The following AEBP2 variants were observed in gnomAD, a reference collection of about 807,000 sequenced individuals.
The protein encoded by AEBP2 is AE binding protein 2.
AEBP2 carries 10 observed loss-of-function variants against 50.8 expected under a neutral mutation model. The observed-to-expected ratio is 0.20, with a 90% CI of 0.12 to 0.33. The LOEUF (loss-of-function observed/expected upper bound fraction) is 0.33, where lower values mean the gene tolerates loss of function less well. AEBP2 is among the 10% of genes least tolerant of loss of function. AEBP2 has a pLI of 1.00. For synonymous variants in AEBP2, 296 were observed against 261.3 expected (o/e 1.13, Z -1.28); for missense variants, 570 against 688.0 (o/e 0.83, Z 1.92).
intron 5 of AEBP2, among the ~76,000 whole-genome samples, chr12:19,511,431 A>G (rs781226759): frequency 4.6e-5 from 7 of 152,208 alleles, no homozygotes; most frequent in Non-Finnish European, 1.0e-4. Context: ...AAACCATGAA[A>G]TAGCTGAGGC....
intron 1 of AEBP2, chr12:19,445,878 T>TA (rs558547613): frequency 1.3e-5 from 2 of 151,566 alleles, no homozygotes; most frequent in Non-Finnish European, 2.9e-5. Flanking sequence ...CAGCTAGTTA[T>TA]AAAAAAATAT....
chr12:19,497,299 T>C (rs1282172929), intron 4 of AEBP2, among the ~76,000 whole-genome samples: 1 of 149,262 alleles, frequency 6.7e-6, no homozygotes, highest in East Asian at 2.0e-4. Flanking sequence ...CATGGGAAAA[T>C]AGTTTCTATT....
chr12:19,477,008 T>G (rs912573485), intron 3 of AEBP2, among the ~76,000 whole-genome samples: 2 of 152,214 alleles, frequency 1.3e-5, no homozygotes, highest in Non-Finnish European at 2.9e-5. Context: ...TTTTGTAGTT[T>G]TCCTTGTAGA....
intron 3 of AEBP2, 21 bp downstream of exon 3, chr12:19,473,376 A>AATTTATTTATTTATTTATTTATTTATTT (rs71530938): frequency 1.1e-5 from 2 of 175,588 alleles, no homozygotes; most frequent in Non-Finnish European, 1.7e-5. Context: ...ATGTATATAA[A>AATTTATTTATTTATTTATTTATTTATTT]ATTTATTTAT....
chr12:19,478,916 C>T (rs1010782594), intron 3 of AEBP2, among the ~76,000 whole-genome samples: 6 of 152,010 alleles, frequency 3.9e-5, no homozygotes, highest in African/African-American at 1.5e-4. Context: ...CTATCCATGT[C>T]CTGATGAAAA....
chr12:19,439,578 T>G lies in AEBP2; in HGVS notation c.-122T>G, dbSNP rs1383251555. On this transcript the variant is annotated 5_prime_UTR_variant, in exon 1 of 8. Transcript: ENST00000266508. ...GCAGGCTGACGCAGCTCGCGGGCCC[T>G]CCTCCTGCTCTGCAGCGGCGTCGGC... 4.6e-6 allele frequency: 6 copies of G among 1,313,756 alleles called. No homozygotes were observed. The highest frequency in any genetic ancestry group is 6.0e-6 in the Non-Finnish European group (6 of 992,118). The allele number at this position is 1,313,756 out of a possible 1,614,324, so 81.4% of individuals were successfully genotyped here. A position where few individuals can be genotyped will look rare whatever the true frequency, so the allele number is the denominator to read the frequency against.
chr12:19,433,146 G>A (rs2095752302), intron 1 of AEBP2, among the ~76,000 whole-genome samples: 1 of 152,136 alleles, frequency 6.6e-6, no homozygotes, highest in South Asian at 2.1e-4. Context: ...GGCACTTTGG[G>A]CGGCCAAGGC....
At chr12:19,505,011 G>A (rs868818048) in intron 5 of AEBP2, among the ~76,000 whole-genome samples, 2 of 152,172 alleles carry the variant, frequency 1.3e-5, no homozygotes, top group Non-Finnish European at 2.9e-5. Context: ...TTGAGGAAAG[G>A]TGTCCTTATT....
At chr12:19,495,617 C>T (rs1321034145) in intron 4 of AEBP2, among the ~76,000 whole-genome samples, 1 of 150,924 alleles carries the variant, frequency 6.6e-6, no homozygotes, top group Non-Finnish European at 1.5e-5. Context: ...TCATGGCTTA[C>T]CGCAGTTTCA....
At chr12:19,516,028 T>C (rs1401998629) in intron 7 of AEBP2, among the ~76,000 whole-genome samples, 1 of 152,184 alleles carries the variant, frequency 6.6e-6, no homozygotes, top group Non-Finnish European at 1.5e-5. Flanking sequence ...GAGGCTGCAG[T>C]GAGCCAGGAT....
intron 3 of AEBP2, among the ~76,000 whole-genome samples, chr12:19,474,423 G>A (rs1030709832): frequency 1.3e-5 from 2 of 152,184 alleles, no homozygotes; most frequent in African/African-American, 4.8e-5. Context: ...AAAGCAATCA[G>A]CAAGTTAAAA....
At chr12:19,509,262 A>G (rs563016596) in intron 5 of AEBP2, 44 of 284,460 alleles carry the variant, frequency 1.5e-4, no homozygotes, top group Middle Eastern at 1.2e-3. Flanking sequence ...TGAAAAATGC[A>G]ACTTTTTTAA....
chr12:19,444,301 T>TA (rs34406316), intron 1 of AEBP2, among the ~76,000 whole-genome samples: 1 of 152,226 alleles, frequency 6.6e-6, no homozygotes, highest in African/African-American at 2.4e-5. Flanking sequence ...GTATTTATGC[T>TA]AAAAAAGTTA....
chr12:19,487,707 C>T (rs1948831455), intron 3 of AEBP2, among the ~76,000 whole-genome samples: 1 of 151,622 alleles, frequency 6.6e-6, no homozygotes, highest in Non-Finnish European at 1.5e-5. Flanking sequence ...GAGAGCGAGA[C>T]CCCACCTTAA....
chr12:19,509,608 C>T (rs1949202846), intron 5 of AEBP2, among the ~76,000 whole-genome samples: 2 of 151,852 alleles, frequency 1.3e-5, no homozygotes, highest in Non-Finnish European at 2.9e-5. Context: ...CATACCTAGG[C>T]GTAGTGGCTG....
chr12:19,410,761 G>T (rs1310922888), intron 1 of AEBP2, among the ~76,000 whole-genome samples: 2 of 152,158 alleles, frequency 1.3e-5, no homozygotes, highest in African/African-American at 4.8e-5. Context: ...AAATAATCAG[G>T]ATGGTTTCAG....
At chr12:19,420,715 C>T (rs1026452071) in intron 1 of AEBP2, among the ~76,000 whole-genome samples, 4 of 152,048 alleles carry the variant, frequency 2.6e-5, no homozygotes, top group African/African-American at 4.8e-5. Context: ...ATTTACGTTC[C>T]ATGTCCACTA....
At chr12:19,503,682 T>G (rs1333158399) in intron 5 of AEBP2, among the ~76,000 whole-genome samples, 2 of 152,048 alleles carry the variant, frequency 1.3e-5, no homozygotes, top group Non-Finnish European at 2.9e-5. Flanking sequence ...CTTGGGTTTT[T>G]TTTTTTTTAA....
In AEBP2 at chr12:19,518,349, A is replaced by G; in HGVS notation, c.*232A>G. On this transcript the variant is annotated 3_prime_UTR_variant, in exon 8 of 8. Coordinates refer to ENST00000266508, the MANE Select transcript of AEBP2 (RefSeq NM_153207.5). ...TACTGTATATCCACATTTTCATGGA[A>G]TGGTACTGTGGGAGACTGAGCAAAC... 8.0e-7 allele frequency: 1 copy of G among 1,249,238 alleles called. No individual in the cohort carries two copies. Among genetic ancestry groups the G allele is most frequent in the African/African-American group, 1.5e-5 (1 of 64,832 alleles). The allele number at this position is 1,249,238 out of a possible 1,614,324, so 77.4% of individuals were successfully genotyped here.
Sources: gnomAD v4.1 joint callset for allele counts (sites outside exome capture counted in the v4.1 genomes callset) on GRCh38, gnomAD v4.1.1 for gene constraint, MANE v1.5 for transcripts, NCBI Gene and HGNC (gene_info 2026-07-23, HGNC 2026-07-21) for gene names.